The following TSPAN8 variants were observed in gnomAD, a reference collection of about 807,000 sequenced individuals.
The protein encoded by TSPAN8 is tetraspanin-8.
In TSPAN8, 21 loss-of-function variants were observed where a neutral mutation model predicts 32.8. That is an observed-to-expected ratio of 0.64 (90% CI 0.45 to 0.92). The LOEUF is 0.92. Ranked by LOEUF, TSPAN8 falls within the 40% of genes least tolerant of loss-of-function variation. The probability of loss-of-function intolerance (pLI) is 0.00; values close to 1 mark genes in which losing one functional copy is unlikely to be tolerated. For missense variants in TSPAN8, 269 were observed against 281.9 expected, an observed-to-expected ratio of 0.95 and a Z score of 0.33; for synonymous variants, 95 against 94.6, an observed-to-expected ratio of 1.00 and a Z score of -0.03.
intron 2 of TSPAN8, among the ~76,000 whole-genome samples, chr12:71,148,554 A>T (rs1389765034): frequency 6.6e-6 from 1 of 152,206 alleles, no homozygotes; most frequent in African/African-American, 2.4e-5. Context: ...GTATGTTTTC[A>T]GCTCCACAAA....
intron 2 of TSPAN8, among the ~76,000 whole-genome samples, chr12:71,154,841 T>C (rs1872373688): frequency 6.6e-6 from 1 of 152,188 alleles, no homozygotes; most frequent in Non-Finnish European, 1.5e-5. Context: ...AAGCAAGTGA[T>C]CTGGAACATG....
At chr12:71,147,591 C>G (rs532842570) in intron 2 of TSPAN8, among the ~76,000 whole-genome samples, 27 of 152,292 alleles carry the variant, frequency 1.8e-4, no homozygotes, top group African/African-American at 6.5e-4. Flanking sequence ...TCCGAAAGCC[C>G]TAACATACTA....
intron 3 of TSPAN8, among the ~76,000 whole-genome samples, chr12:71,142,919 A>G (rs893107921): frequency 2.0e-5 from 3 of 152,122 alleles, no homozygotes; most frequent in Non-Finnish European, 4.4e-5. Flanking sequence ...CGAAGAAAAC[A>G]GAGCAGACAT....
chr12:71,129,530 C>A, intron 7 of TSPAN8, 116 bp from the exon 8 acceptor site: 1 of 1,115,312 alleles, frequency 9.0e-7, no homozygotes. Flanking sequence ...ACACACTTAA[C>A]GACAAGGAAC....
intron 6 of TSPAN8, among the ~76,000 whole-genome samples, chr12:71,136,167 G>C (rs1396131152): frequency 1.3e-5 from 2 of 151,844 alleles, no homozygotes; most frequent in Non-Finnish European, 2.9e-5. Context: ...GATTTTAGGA[G>C]TCGAACAATA....
At chr12:71,134,030 C>T (rs1352625380) in intron 6 of TSPAN8, among the ~76,000 whole-genome samples, 3 of 152,084 alleles carry the variant, frequency 2.0e-5, no homozygotes, top group East Asian at 3.9e-4. Context: ...TTATTTATTA[C>T]ATTAATAATA....
intron 6 of TSPAN8, among the ~76,000 whole-genome samples, chr12:71,137,198 T>C (rs1260435869): frequency 1.3e-5 from 2 of 152,170 alleles, no homozygotes; most frequent in South Asian, 2.1e-4. Context: ...GAAGATCTCT[T>C]GAGCCCTGGT....
At chr12:71,139,263 G>A (rs761075763) in intron 4 of TSPAN8, 99 of 458,282 alleles carry the variant, frequency 2.2e-4, no homozygotes, top group Non-Finnish European at 3.6e-4. Flanking sequence ...TTGTCTTTCC[G>A]GAAAGCTTTT....
chr12:71,149,369 C>CAA (rs35841431), intron 2 of TSPAN8, among the ~76,000 whole-genome samples: 58 of 91,598 alleles, frequency 6.3e-4, no homozygotes, highest in East Asian at 2.1e-3. Context: ...ACTCTTGTCT[C>CAA]AAAAAAAAAA....
At chr12:71,146,945 T>C (rs1872096005) in intron 2 of TSPAN8, among the ~76,000 whole-genome samples, 1 of 152,150 alleles carries the variant, frequency 6.6e-6, no homozygotes, top group African/African-American at 2.4e-5. Context: ...ATAGAACTGG[T>C]GACCTTATAG....
intron 2 of TSPAN8, among the ~76,000 whole-genome samples, chr12:71,149,220 T>G (rs1237408146): frequency 6.6e-6 from 1 of 151,982 alleles, no homozygotes; most frequent in Non-Finnish European, 1.5e-5. Flanking sequence ...CCAAAAAAAT[T>G]AGCCGAGTGT....
intron 2 of TSPAN8, among the ~76,000 whole-genome samples, chr12:71,146,217 C>T (rs1872072992): frequency 6.6e-6 from 1 of 152,040 alleles, no homozygotes; most frequent in Non-Finnish European, 1.5e-5. Context: ...TTGAAGTTGG[C>T]CAAAGTATCA....
chr12:71,152,073 A>C (rs766881615), intron 2 of TSPAN8, among the ~76,000 whole-genome samples: 37 of 152,224 alleles, frequency 2.4e-4, no homozygotes, highest in Non-Finnish European at 4.0e-4. Flanking sequence ...TTGTGCTATT[A>C]TTGATGGTCA....
chr12:71,142,471 T>C (rs916375124), intron 3 of TSPAN8, among the ~76,000 whole-genome samples: 4 of 152,202 alleles, frequency 2.6e-5, no homozygotes, highest in African/African-American at 4.8e-5. Flanking sequence ...CACACACATC[T>C]TGAAGAGGCC....
At chr12:71,127,944 T>C (rs1198833347) in intron 8 of TSPAN8, among the ~76,000 whole-genome samples, 2 of 152,232 alleles carry the variant, frequency 1.3e-5, no homozygotes, top group African/African-American at 4.8e-5. Context: ...AAATCATTCA[T>C]GTAAAATCAC....
Position 71,125,435 on chromosome 12 carries a change from T to G in TSPAN8, c.661-48A>C, listed in dbSNP as rs768631852. ...TAACATGGAATTTAAGGGAAAACAC[T>G]GGACACATTATAAATAAACAGAAAG... On this transcript the variant is annotated intron_variant, in intron 8 of 8. Transcript: ENST00000247829. 3.1e-5 allele frequency: 45 copies of G among 1,448,442 alleles called. No homozygotes were observed. In the South Asian group the frequency reaches 5.4e-4, roughly 17 times the overall value. 89.7% of individuals were successfully genotyped at this position (1,448,442 alleles called of 1,614,324 possible). A position where few individuals can be genotyped will look rare whatever the true frequency, so the allele number is the denominator to read the frequency against.
chr12:71,125,415 T>C (rs771687391), intron 8 of TSPAN8, 28 bp from the exon 9 acceptor site: 4 of 1,593,656 alleles, frequency 2.5e-6, no homozygotes, highest in South Asian at 1.1e-5. Flanking sequence ...AGGATTAACA[T>C]GGAATTTAAG....
chr12:71,132,200 CAT>C (rs1200740223), intron 7 of TSPAN8, among the ~76,000 whole-genome samples: 1 of 152,152 alleles, frequency 6.6e-6, no homozygotes, highest in African/African-American at 2.4e-5. Context: ...CTGTCAGTAA[CAT>C]AGAGAACCTA....
At chr12:71,137,147 G>A (rs985262400) in intron 6 of TSPAN8, among the ~76,000 whole-genome samples, 1 of 152,106 alleles carries the variant, frequency 6.6e-6, no homozygotes, top group Non-Finnish European at 1.5e-5. Context: ...AGGCATGGTG[G>A]TGTGTGCTTG....
Sources: allele counts gnomAD v4.1 joint callset (sites outside exome capture counted in the v4.1 genomes callset), GRCh38; gene constraint gnomAD v4.1.1; transcripts MANE v1.5; gene names NCBI Gene and HGNC (gene_info 2026-07-23, HGNC 2026-07-21).